The following IRAK3 variants were observed in gnomAD, a reference collection of about 807,000 sequenced individuals.
IRAK3 encodes the protein interleukin 1 receptor associated kinase 3.
In IRAK3, 57 loss-of-function variants were observed where a neutral mutation model predicts 56.6. That is an observed-to-expected ratio of 1.01 (90% CI 0.81 to 1.26). The LOEUF (loss-of-function observed/expected upper bound fraction) is 1.26, where lower values mean the gene tolerates loss of function less well. Among genes scored for constraint, IRAK3 ranks in the 50% most tolerant of loss-of-function variants. The probability of loss-of-function intolerance (pLI) is 0.00; values close to 1 mark genes in which losing one functional copy is unlikely to be tolerated. For missense variants in IRAK3, 703 were observed against 719.0 expected, an observed-to-expected ratio of 0.98 and a Z score of 0.25; for synonymous variants, 258 against 255.7, an observed-to-expected ratio of 1.01 and a Z score of -0.09.
Position 66,253,386 on chromosome 12 carries a change from T to C in IRAK3, c.*5215T>C, listed in dbSNP as rs1184223675. ...TGTCTAAGCAATGAAAAACCAGTGT[T>C]CTGGCAGGAAATAAACTGATGTTTG... On this transcript the variant is annotated 3_prime_UTR_variant, in exon 12 of 12. Transcript: ENST00000261233. 6.6e-6 allele frequency: 1 copy of C among 152,236 alleles called. No individual in the cohort carries two copies. The highest frequency in any genetic ancestry group is 2.4e-5 in the African/African-American group (1 of 41,466). The allele number at this position is 152,236 out of a possible 1,614,324, so 9.4% of individuals were successfully genotyped here.
Position 66,210,187 on chromosome 12 carries a change from A to T in IRAK3, c.422A>T (p.Glu141Val). ...NVTVDNVLIP[E>V]HNEKGILLKS... is the part of the protein sequence containing the mutation. ...ACCGTGGATAATGTTCTTATTCCTG[A>T]ACATAATGAAAAAGGTATGAAAAAA... The change falls in exon 4 of 12, where the codon GAA becomes GTA. Residue 141 changes from glutamate to valine, a missense_variant. Transcript: ENST00000261233. 1 of 1,602,776 alleles carries T rather than the reference A, an allele frequency of 6.2e-7. No homozygotes were observed. Among genetic ancestry groups the T allele is most frequent in the South Asian group, 1.1e-5 (1 of 90,508 alleles).
chr12:66,247,623 G>A, intron 11 of IRAK3, 72 bp from the exon 12 acceptor site: 1 of 944,330 alleles, frequency 1.1e-6, no homozygotes, highest in Non-Finnish European at 1.7e-6. Flanking sequence ...TTCTTTATAG[G>A]TAGAGTGATA....
intron 6 of IRAK3, among the ~76,000 whole-genome samples, chr12:66,219,199 C>A (rs2052707250): frequency 6.6e-6 from 1 of 152,162 alleles, no homozygotes; most frequent in Non-Finnish European, 1.5e-5. Flanking sequence ...GATTTTATTT[C>A]TTTTACATAC....
intron 11 of IRAK3, among the ~76,000 whole-genome samples, chr12:66,247,098 C>G (rs1475698451): frequency 6.6e-6 from 1 of 152,022 alleles, no homozygotes; most frequent in South Asian, 2.1e-4. Context: ...GGCGAAACCC[C>G]ATCTCTACTA....
chr12:66,198,652 G>C (rs1345678775), intron 1 of IRAK3, among the ~76,000 whole-genome samples: 1 of 151,862 alleles, frequency 6.6e-6, no homozygotes, highest in Admixed American at 6.6e-5. Flanking sequence ...GAAAAATGAA[G>C]AAGTCTATTA....
intron 8 of IRAK3, among the ~76,000 whole-genome samples, chr12:66,243,916 T>A (rs2136952268): frequency 6.6e-6 from 1 of 152,358 alleles, no homozygotes. Context: ...ATATTGACTA[T>A]AAGCACTTTG....
chr12:66,231,615 T>C (rs1009161621), intron 8 of IRAK3, among the ~76,000 whole-genome samples: 1 of 152,172 alleles, frequency 6.6e-6, no homozygotes, highest in African/African-American at 2.4e-5. Flanking sequence ...AAGCCAAGTC[T>C]TGGAAAAAGT....
rs2053051784 is a variant in IRAK3, at chr12:66,247,852, CT to C, written c.1474del (p.Ser492LeufsTer5). 1 of 1,614,154 alleles carries C rather than the reference CT, an allele frequency of 6.2e-7. No individual in the cohort carries two copies. The highest frequency in any genetic ancestry group is 1.1e-5 in the South Asian group (1 of 91,090). On this transcript the variant is annotated frameshift_variant, in exon 12 of 12. Coordinates refer to ENST00000261233, the MANE Select transcript of IRAK3 (RefSeq NM_007199.3). LOFTEE classifies it low-confidence loss of function (END_TRUNC). The part of the protein sequence containing the change: ...DDESQNNNLL[P>X]SDEGLRIDRM... Reference sequence around the variant, plus strand: ...GAAAGCCAGAATAACAATTTACTACCTTCTGATGAAGGCCTGAGGATAGACA... The same window carrying C: ...GAAAGCCAGAATAACAATTTACTACCTCTGATGAAGGCCTGAGGATAGACA...
chr12:66,227,576 C>CATAAATAAATAAATAAATAA (rs376888092), intron 7 of IRAK3, among the ~76,000 whole-genome samples: 6 of 126,680 alleles, frequency 4.7e-5, no homozygotes, highest in Middle Eastern at 3.9e-3. Flanking sequence ...GAGACTCTGT[C>CATAAATAAATAAATAAATAA]ATAAATAAAT....
chr12:66,200,662 C>T (rs1019443234), intron 1 of IRAK3, among the ~76,000 whole-genome samples: 7 of 152,180 alleles, frequency 4.6e-5, no homozygotes, highest in Non-Finnish European at 8.8e-5. Flanking sequence ...AATATTCCAG[C>T]AAAGGCTTAT....
At chr12:66,210,919 T>C (rs1265111505) in intron 4 of IRAK3, among the ~76,000 whole-genome samples, 3 of 152,208 alleles carry the variant, frequency 2.0e-5, no homozygotes, top group Non-Finnish European at 2.9e-5. Context: ...TTGATTCCTG[T>C]TTGCATGTTT....
At chr12:66,223,247 A>C (rs1018132953) in intron 6 of IRAK3, among the ~76,000 whole-genome samples, 2 of 152,206 alleles carry the variant, frequency 1.3e-5, no homozygotes, top group Middle Eastern at 3.2e-3. Context: ...GGATGTATAC[A>C]TGCAGGTCAC....
At chr12:66,212,510 C>T (rs2052622512) in intron 5 of IRAK3, among the ~76,000 whole-genome samples, 1 of 152,174 alleles carries the variant, frequency 6.6e-6, no homozygotes, top group African/African-American at 2.4e-5. Context: ...ATTTACTAAA[C>T]TCTTATATGG....
At chr12:66,231,578 G>A (rs989961161) in intron 8 of IRAK3, among the ~76,000 whole-genome samples, 7 of 152,202 alleles carry the variant, frequency 4.6e-5, no homozygotes, top group African/African-American at 1.4e-4. Context: ...GTTGGTCTGA[G>A]AAGGCTTCCT....
chr12:66,249,469 CT>C lies in IRAK3; in HGVS notation c.*1299del, dbSNP rs1231668586. 2.6e-5 allele frequency: 4 copies of C among 152,228 alleles called. No homozygotes were observed. The highest frequency in any genetic ancestry group is 5.9e-5 in the Non-Finnish European group (4 of 68,042). 9.4% of individuals were successfully genotyped at this position (152,228 alleles called of 1,614,324 possible). On this transcript the variant is annotated 3_prime_UTR_variant, in exon 12 of 12. Coordinates refer to ENST00000261233, the MANE Select transcript of IRAK3 (RefSeq NM_007199.3). ...GTGAGCCACCGCGCCCAGCCTTCAT[CT>C]CTTTTACTAGGTTGTAAACTCCCTA...
At chr12:66,203,622 A>T (rs1048487454) in intron 1 of IRAK3, 89 bp from the exon 2 acceptor site, 12 of 1,148,940 alleles carry the variant, frequency 1.0e-5, no homozygotes, top group Non-Finnish European at 1.3e-5. Context: ...AGTTATAAAT[A>T]AGAGGAAATA....
intron 8 of IRAK3, among the ~76,000 whole-genome samples, chr12:66,233,687 A>C (rs2052869622): frequency 1.3e-5 from 2 of 151,916 alleles, no homozygotes. Flanking sequence ...TAAACACAAA[A>C]TGAACAAAAC....
intron 8 of IRAK3, chr12:66,234,273 C>T: frequency 6.2e-7 from 1 of 1,613,082 alleles, no homozygotes; most frequent in East Asian, 2.2e-5. Flanking sequence ...ATCTGCTGGG[C>T]CAGAGGGCTG....
chr12:66,229,962 G>A (rs2052826756), intron 8 of IRAK3, among the ~76,000 whole-genome samples: 1 of 152,162 alleles, frequency 6.6e-6, no homozygotes, highest in African/African-American at 2.4e-5. Flanking sequence ...CCTTTTGTGT[G>A]ACTGAGTTCA....
Sources: allele counts gnomAD v4.1 joint callset (sites outside exome capture counted in the v4.1 genomes callset), GRCh38; gene constraint gnomAD v4.1.1; transcripts MANE v1.5; gene names NCBI Gene and HGNC (gene_info 2026-07-23, HGNC 2026-07-21).